The following SLC26A3 variants were observed in gnomAD, a reference collection of about 807,000 sequenced individuals.
SLC26A3 encodes solute carrier family 26 member 3.
Under a neutral mutation model 85.6 loss-of-function variants are expected in SLC26A3, and 64 were observed. The ratio of observed to expected loss-of-function variants is 0.75; its 90% CI spans 0.61 to 0.92. SLC26A3 has a LOEUF of 0.92. Among genes scored for constraint, SLC26A3 ranks in the 40% least tolerant of loss-of-function variants. The probability of loss-of-function intolerance (pLI) is 0.00; values close to 1 mark genes in which losing one functional copy is unlikely to be tolerated. For synonymous variants in SLC26A3, 349 were observed against 336.0 expected (o/e 1.04, Z -0.42); for missense variants, 922 against 927.3 (o/e 0.99, Z 0.07).
At chr7:107,776,755 C>T (rs756379149) in intron 13 of SLC26A3, 49 bp from the exon 14 acceptor site, 1 of 1,553,602 alleles carries the variant, frequency 6.4e-7, no homozygotes, top group East Asian at 2.2e-5. Flanking sequence ...GTTTGTTAAG[C>T]CTATAAGGCT....
intron 5 of SLC26A3, among the ~76,000 whole-genome samples, chr7:107,790,444 T>A (rs1314382056): frequency 1.3e-5 from 2 of 152,224 alleles, no homozygotes. Context: ...TTTCCTTTCT[T>A]TAAGAAATGG....
In SLC26A3 at chr7:107,797,740, C is replaced by CTTTTTTTTTTTTTTTTTTTTTTT. The variant is rs375903590; in HGVS notation, c.-88-3144_-88-3143insAAAAAAAAAAAAAAAAAAAAAAA. Among the ~76,000 whole-genome samples, 15 of 127,440 alleles carry CTTTTTTTTTTTTTTTTTTTTTTT rather than the reference C, an allele frequency of 1.2e-4. 2 individuals carry two copies. Among genetic ancestry groups the CTTTTTTTTTTTTTTTTTTTTTTT allele is most frequent in the African/African-American group, 3.3e-4 (10 of 30,554 alleles). 83.6% of individuals were successfully genotyped at this position (127,440 alleles called of 152,430 possible). On this transcript the variant is annotated intron_variant, in intron 1 of 20. Transcript: ENST00000340010. ...CATTTCTGAGATTCTTGAGCAGGAC[C>CTTTTTTTTTTTTTTTTTTTTTTT]TTTTTTTTTTGAGACGGAGTCTTGC... is the stretch of plus-strand genomic sequence containing the variant.
At chr7:107,776,373 C>T in intron 15 of SLC26A3, 79 bp downstream of exon 15, 2 of 1,200,710 alleles carry the variant, frequency 1.7e-6, no homozygotes, top group South Asian at 1.2e-5. Flanking sequence ...CCAGTCTCAA[C>T]AATGACCTTA....
chr7:107,787,726 A>G (rs115795081), intron 6 of SLC26A3, among the ~76,000 whole-genome samples: 1 of 152,212 alleles, frequency 6.6e-6, no homozygotes, highest in East Asian at 1.9e-4. Context: ...TAGGTGGCAC[A>G]CTAGTTTAAG....
chr7:107,789,749 G>A, intron 5 of SLC26A3, 61 bp from the exon 6 acceptor site: 1 of 1,516,366 alleles, frequency 6.6e-7, no homozygotes, highest in Non-Finnish European at 9.0e-7. Context: ...GCAAACTCAA[G>A]GATCCGCAAC....
At chr7:107,784,968 T>G (rs1794269215) in intron 8 of SLC26A3, among the ~76,000 whole-genome samples, 1 of 152,180 alleles carries the variant, frequency 6.6e-6, no homozygotes, top group African/African-American at 2.4e-5. Flanking sequence ...TCATGAACAG[T>G]AGGTTAGCAA....
At chr7:107,790,387 C>G (rs1455422207) in intron 5 of SLC26A3, among the ~76,000 whole-genome samples, 11 of 152,174 alleles carry the variant, frequency 7.2e-5, no homozygotes, top group Admixed American at 7.2e-4. Context: ...AAATAACTAA[C>G]CAAATTGTCA....
Position 107,783,063 on chromosome 7 carries a change from CTA to C in SLC26A3, c.1148_1149del (p.Ile383SerfsTer74), listed in dbSNP as rs386833447. ...GCAAATCCTCTGAATACTCCACAGA[CTA>C]TGTTACCCAGTCCCAAGGCTATTAA... ...QELIALGLGN[I>X]VCGVFRGFAG... On this transcript the variant is annotated frameshift_variant, in exon 10 of 21. Transcript: ENST00000340010. LOFTEE classifies it high-confidence loss of function. The C allele has an allele frequency of 6.2e-7, 1 of 1,614,192 alleles. No homozygotes were observed. Among genetic ancestry groups the C allele is most frequent in the Non-Finnish European group, 8.5e-7 (1 of 1,180,022 alleles).
intron 13 of SLC26A3, among the ~76,000 whole-genome samples, chr7:107,777,458 C>G (rs372237189): frequency 6.6e-6 from 1 of 152,040 alleles, no homozygotes; most frequent in Non-Finnish European, 1.5e-5. Flanking sequence ...TAGCCAGTGG[C>G]AGGCACCTAT....
intron 5 of SLC26A3, among the ~76,000 whole-genome samples, chr7:107,790,737 A>G (rs1482429007): frequency 6.6e-6 from 1 of 152,132 alleles, no homozygotes. Flanking sequence ...CAATTCCCAG[A>G]TATGCTGTTT....
At chr7:107,785,520 C>A (rs1025922473) in intron 8 of SLC26A3, among the ~76,000 whole-genome samples, 1 of 152,070 alleles carries the variant, frequency 6.6e-6, no homozygotes, top group Admixed American at 6.6e-5. Context: ...TTTTCCAAGC[C>A]CTTCTGACAA....
chr7:107,770,868 C>G (rs191387309), intron 18 of SLC26A3, among the ~76,000 whole-genome samples: 1 of 152,128 alleles, frequency 6.6e-6, no homozygotes, highest in Non-Finnish European at 1.5e-5. Flanking sequence ...TTATGTGATA[C>G]GTGCGTACTC....
At chr7:107,802,288 T>A (rs887144598) in intron 1 of SLC26A3, among the ~76,000 whole-genome samples, 2 of 152,130 alleles carry the variant, frequency 1.3e-5, no homozygotes, top group Non-Finnish European at 2.9e-5. Context: ...TTTATCTTGA[T>A]AGAGTTAGTA....
intron 6 of SLC26A3, among the ~76,000 whole-genome samples, chr7:107,789,035 C>T (rs1468549063): frequency 6.6e-6 from 1 of 151,628 alleles, no homozygotes; most frequent in Non-Finnish European, 1.5e-5. Context: ...AGTGATCCTC[C>T]TACCTCAGGC....
Position 107,783,198 on chromosome 7 carries a change from T to C in SLC26A3, c.1119+7A>G. 2 of 1,614,210 alleles carry C rather than the reference T, an allele frequency of 1.2e-6. No homozygotes were observed. Among genetic ancestry groups the C allele is most frequent in the Non-Finnish European group, 1.7e-6 (2 of 1,180,032 alleles). ...CCAGTGAGACCCAGTGTAGTTTGTT[T>C]ACTTACCTGATTGCCATCAAGTGGA... is the stretch of plus-strand genomic sequence containing the variant. On this transcript the variant is annotated splice_region_variant and intron_variant, in intron 9 of 20. Transcript: ENST00000340010.
intron 1 of SLC26A3, among the ~76,000 whole-genome samples, chr7:107,796,963 T>G (rs1285559157): frequency 6.6e-6 from 1 of 152,224 alleles, no homozygotes; most frequent in Non-Finnish European, 1.5e-5. Flanking sequence ...CTTCTGGCTG[T>G]TGTATTTTTT....
At chr7:107,802,703 T>C (rs1222370700) in intron 1 of SLC26A3, among the ~76,000 whole-genome samples, 2 of 151,254 alleles carry the variant, frequency 1.3e-5, no homozygotes, top group Non-Finnish European at 2.9e-5. Flanking sequence ...TTCTAGTAGG[T>C]GATTCTCTCT....
At chr7:107,780,547 C>T (rs1370867122) in intron 11 of SLC26A3, among the ~76,000 whole-genome samples, 1 of 152,162 alleles carries the variant, frequency 6.6e-6, no homozygotes, top group Admixed American at 6.5e-5. Context: ...TTCCCCCTGC[C>T]AATTTATTTT....
intron 8 of SLC26A3, among the ~76,000 whole-genome samples, chr7:107,785,605 A>G (rs1235372008): frequency 6.6e-6 from 1 of 152,234 alleles, no homozygotes; most frequent in Non-Finnish European, 1.5e-5. Flanking sequence ...GTAAAGTGAA[A>G]TCACTTCAAA....
Sources: allele counts gnomAD v4.1 joint callset (sites outside exome capture counted in the v4.1 genomes callset), GRCh38; gene constraint gnomAD v4.1.1; transcripts MANE v1.5; gene names NCBI Gene and HGNC (gene_info 2026-07-23, HGNC 2026-07-21).